The following NSMCE1 variants were observed in gnomAD, a reference collection of about 807,000 sequenced individuals.
NSMCE1 encodes the protein non-structural maintenance of chromosomes element 1 homolog.
Under a neutral mutation model 29.6 loss-of-function variants are expected in NSMCE1, and 18 were observed. The observed-to-expected ratio is 0.61, with a 90% CI of 0.42 to 0.90. NSMCE1 has a LOEUF of 0.90. Ranked by LOEUF, NSMCE1 falls within the 40% of genes least tolerant of loss-of-function variation. The pLI is 0.00. For synonymous variants in NSMCE1, 124 were observed against 133.4 expected (o/e 0.93, Z 0.49); for missense variants, 314 against 343.6 (o/e 0.91, Z 0.68).
intron 6 of NSMCE1, chr16:27,226,085 G>A (rs889119973): frequency 2.4e-5 from 10 of 408,772 alleles, no homozygotes; most frequent in African/African-American, 4.1e-5. Context: ...GACAGAAGCC[G>A]AGGGCTCCCA....
intron 2 of NSMCE1, among the ~76,000 whole-genome samples, chr16:27,246,113 G>A (rs2083955143): frequency 6.6e-6 from 1 of 152,174 alleles, no homozygotes; most frequent in Non-Finnish European, 1.5e-5. Context: ...AGGCAGATAA[G>A]AGAGTTGACA....
intron 2 of NSMCE1, among the ~76,000 whole-genome samples, chr16:27,247,172 A>G (rs1202443524): frequency 6.6e-6 from 1 of 152,208 alleles, no homozygotes; most frequent in Non-Finnish European, 1.5e-5. Context: ...TGTAGTTCCC[A>G]TAATCCAAAC....
chr16:27,234,284 C>G lies in NSMCE1; in HGVS notation c.259-19G>C. On this transcript the variant is annotated intron_variant, in intron 3 of 7. Coordinates refer to ENST00000361439, the MANE Select transcript of NSMCE1 (RefSeq NM_145080.4). ...GATTCACCTAAGAAATAAGTCAGCA[C>G]GACAGTCAGGCTGTGCTCTTTGCGT... 6.4e-7 allele frequency: 1 copy of G among 1,565,782 alleles called. No individual in the cohort carries two copies. The highest frequency in any genetic ancestry group is 1.1e-5 in the South Asian group (1 of 90,106).
At chr16:27,247,063 C>A (rs2141001452) in intron 2 of NSMCE1, among the ~76,000 whole-genome samples, 1 of 152,226 alleles carries the variant, frequency 6.6e-6, no homozygotes, top group East Asian at 1.9e-4. Context: ...AAAATGGGGC[C>A]AGTCTAAACT....
At chr16:27,258,646 A>G (rs1446740907) in intron 1 of NSMCE1, among the ~76,000 whole-genome samples, 2 of 152,262 alleles carry the variant, frequency 1.3e-5, no homozygotes, top group African/African-American at 4.8e-5. Context: ...TAGCTACCTT[A>G]AAGACATAGA....
chr16:27,255,595 C>T (rs1010208953), intron 2 of NSMCE1, among the ~76,000 whole-genome samples: 1 of 152,200 alleles, frequency 6.6e-6, no homozygotes, highest in Non-Finnish European at 1.5e-5. Flanking sequence ...CAGAATTCCC[C>T]ATGGAACACC....
At chr16:27,246,907 G>A (rs751709304) in intron 2 of NSMCE1, among the ~76,000 whole-genome samples, 12 of 152,008 alleles carry the variant, frequency 7.9e-5, no homozygotes, top group Admixed American at 5.9e-4. Context: ...CACCGTAGCC[G>A]ACCTGGTAGG....
At chr16:27,244,447 C>T (rs2083930296) in intron 2 of NSMCE1, among the ~76,000 whole-genome samples, 1 of 152,214 alleles carries the variant, frequency 6.6e-6, no homozygotes, top group African/African-American at 2.4e-5. Flanking sequence ...CTGAGTGGAG[C>T]CAGGTCCCAG....
intron 2 of NSMCE1, among the ~76,000 whole-genome samples, chr16:27,238,802 G>A (rs1013376632): frequency 6.6e-6 from 1 of 151,908 alleles, no homozygotes; most frequent in East Asian, 1.9e-4. Flanking sequence ...CATGCTTCCT[G>A]CCTATCCCCA....
Position 27,233,165 on chromosome 16 carries a change from TATC to T in NSMCE1, c.337-21_337-19del. Reference sequence around the variant, plus strand: ...AGTTCCAGCTGGAAGAAAGAGCAGGTATCATGCTCATCTATTAAAATGGCAAAA... The same window carrying T: ...AGTTCCAGCTGGAAGAAAGAGCAGGTATGCTCATCTATTAAAATGGCAAAA... On this transcript the variant is annotated intron_variant, in intron 4 of 7. Transcript: ENST00000361439. The T allele has an allele frequency of 6.2e-7, 1 of 1,603,138 alleles. No homozygotes were observed. The highest frequency in any genetic ancestry group is 8.5e-7 in the Non-Finnish European group (1 of 1,175,092).
chr16:27,268,566 C>G (rs1197331318), intron 1 of NSMCE1, 140 bp downstream of exon 1: 1 of 152,352 alleles, frequency 6.6e-6, no homozygotes. Flanking sequence ...CCCCAGTCCC[C>G]GAGTTCCACA....
chr16:27,226,630 G>A (rs2083696469), intron 6 of NSMCE1, 90 bp downstream of exon 6: 8 of 824,220 alleles, frequency 9.7e-6, no homozygotes, highest in Non-Finnish European at 1.4e-5. Flanking sequence ...GGAGGGCTGG[G>A]CCCAGAGCCA....
intron 2 of NSMCE1, among the ~76,000 whole-genome samples, chr16:27,251,171 T>TATATATATATATATATATATAA (rs2084026160): frequency 2.0e-5 from 1 of 50,120 alleles, no homozygotes; most frequent in Admixed American, 1.7e-4. Flanking sequence ...TATATATATA[T>TATATATATATATATATATATAA]ATATATATAT....
chr16:27,227,258 T>A (rs1304760135), intron 5 of NSMCE1, among the ~76,000 whole-genome samples: 1 of 152,214 alleles, frequency 6.6e-6, no homozygotes, highest in Non-Finnish European at 1.5e-5. Context: ...GCAGCATCCC[T>A]GGTGCCTCCC....
chr16:27,225,049 C>T lies in NSMCE1; in HGVS notation c.*108G>A, dbSNP rs985037479. 15 of 680,860 alleles carry T rather than the reference C, an allele frequency of 2.2e-5. No individual in the cohort carries two copies. Among genetic ancestry groups the T allele is most frequent in the African/African-American group, 7.1e-5 (4 of 55,950 alleles). 42.2% of individuals were successfully genotyped at this position (680,860 alleles called of 1,614,324 possible). ...AAGCTGTGGACGGTGAACATTAAGA[C>T]GAAAGAGGTGACTCGCGTGGAACCT... On this transcript the variant is annotated 3_prime_UTR_variant, in exon 8 of 8. Coordinates refer to ENST00000361439, the MANE Select transcript of NSMCE1 (RefSeq NM_145080.4).
chr16:27,259,926 G>A lies in NSMCE1; in HGVS notation c.-11-2345C>T, dbSNP rs188699611. Among the ~76,000 whole-genome samples the A allele has an allele frequency of 1.1e-4, 16 of 152,262 alleles. No individual in the cohort carries two copies. In the East Asian group the frequency reaches 3.1e-3, roughly 29 times the overall value. On this transcript the variant is annotated intron_variant, in intron 1 of 7. Coordinates refer to ENST00000361439, the MANE Select transcript of NSMCE1 (RefSeq NM_145080.4). ...GTCTCAACAGAGAATTCTATAACGA[G>A]CTGAAGACTGAGGATAAGACAAAAA...
At position 27,235,252 on chromosome 16, in the gene NSMCE1, T is replaced by G. The variant is rs1418151199; in HGVS notation, c.184A>C (p.Ser62Arg). 4 of 1,613,340 alleles carry G rather than the reference T, an allele frequency of 2.5e-6. No individual in the cohort carries two copies. Among genetic ancestry groups the G allele is most frequent in the Non-Finnish European group, 3.4e-6 (4 of 1,179,550 alleles). Reference protein sequence around the residue: ...KLEDFINNINSVLESLYIEIK... With the variant: ...KLEDFINNINRVLESLYIEIK... ...TCAATATACAAGGACTCCAAGACACTGTTAATGTTGTTGATGAAGTCCTCC... is the reference window on the plus strand; with the variant it reads ...TCAATATACAAGGACTCCAAGACACGGTTAATGTTGTTGATGAAGTCCTCC... The change falls in exon 3 of 8, where the codon AGT (serine) becomes CGT (arginine). Residue 62 changes from serine (S) to arginine (R), a missense_variant. Physicochemically the swap from Ser to Arg is moderately radical, Grantham distance 110. Coordinates refer to ENST00000361439, the MANE Select transcript of NSMCE1 (RefSeq NM_145080.4).
At chr16:27,227,167 G>A (rs1366193391) in intron 5 of NSMCE1, among the ~76,000 whole-genome samples, 4 of 152,354 alleles carry the variant, frequency 2.6e-5, no homozygotes, top group South Asian at 2.1e-4. Flanking sequence ...GGACGCTGAG[G>A]CCCACAAGGG....
chr16:27,246,333 C>A (rs1482548942), intron 2 of NSMCE1, among the ~76,000 whole-genome samples: 1 of 152,128 alleles, frequency 6.6e-6, no homozygotes, highest in Non-Finnish European at 1.5e-5. Context: ...TAATTTAAAA[C>A]CTCATAAAAA....
Sources: gnomAD v4.1 joint callset for allele counts (sites outside exome capture counted in the v4.1 genomes callset) on GRCh38, gnomAD v4.1.1 for gene constraint, MANE v1.5 for transcripts, NCBI Gene and HGNC (gene_info 2026-07-23, HGNC 2026-07-21) for gene names.